Variants in PRKAR1A observed in about 807,000 individuals in gnomAD.
PRKAR1A encodes cAMP-dependent protein kinase type I-alpha regulatory subunit.
Under a neutral mutation model 52.0 loss-of-function variants are expected in PRKAR1A, and 3 were observed. That is an observed-to-expected ratio of 0.06 (90% CI 0.03 to 0.15). The LOEUF (loss-of-function observed/expected upper bound fraction) is 0.15, where lower values mean the gene tolerates loss of function less well. Ranked by LOEUF, PRKAR1A falls within the 10% of genes least tolerant of loss-of-function variation. The probability of loss-of-function intolerance (pLI) is 1.00; values close to 1 mark genes in which losing one functional copy is unlikely to be tolerated. For synonymous variants in PRKAR1A, 188 were observed against 168.4 expected (o/e 1.12, Z -0.90); for missense variants, 240 against 477.4 (o/e 0.50, Z 4.63).
the PRKAR1A span, among the ~76,000 whole-genome samples, chr17:68,458,282 T>C: frequency 4.6e-5 from 7 of 152,236 alleles, no homozygotes; most frequent in Admixed American, 1.3e-4. Context: ...AAGAGGCAAC[T>C]GAAGCTCCAA....
chr17:68,535,346 C>T (rs2086070216), downstream of PRKAR1A: 1 of 453,994 alleles, frequency 2.2e-6, no homozygotes, highest in African/African-American at 2.0e-5. Flanking sequence ...TTGTAGAGTG[C>T]AGCAAAATGT....
At chr17:68,488,278 T>C in the PRKAR1A span, among the ~76,000 whole-genome samples, 14 of 152,106 alleles carry the variant, frequency 9.2e-5, no homozygotes, top group African/African-American at 3.4e-4. Context: ...AGAGAAGAGC[T>C]GAGGTCTGAG....
chr17:68,510,159 C>CAG (rs35144524), upstream of PRKAR1A, among the ~76,000 whole-genome samples: 7,407 of 127,568 alleles, frequency 0.058, 265 homozygotes, highest in African/African-American at 0.071. Context: ...TATATGTAGA[C>CAG]AGAGAGAGAG....
At chr17:68,483,730 G>T in the PRKAR1A span, among the ~76,000 whole-genome samples, 16,664 of 151,508 alleles carry the variant, frequency 0.11, 937 homozygotes, top group Middle Eastern at 0.14. Flanking sequence ...GTGTGGTGGC[G>T]CATGCCTGTA....
the PRKAR1A span, among the ~76,000 whole-genome samples, chr17:68,481,071 T>TCC: frequency 6.6e-6 from 1 of 152,234 alleles, no homozygotes; most frequent in Admixed American, 6.5e-5. Context: ...CAGCTCACCC[T>TCC]CTTGTGGGTG....
At chr17:68,491,852 G>A in the PRKAR1A span, among the ~76,000 whole-genome samples, 1 of 152,130 alleles carries the variant, frequency 6.6e-6, no homozygotes, top group African/African-American at 2.4e-5. Flanking sequence ...TATGGAGGTG[G>A]ACAAACTGCT....
the PRKAR1A span, among the ~76,000 whole-genome samples, chr17:68,495,494 T>C: frequency 6.6e-6 from 1 of 152,200 alleles, no homozygotes; most frequent in African/African-American, 2.4e-5. Flanking sequence ...AGCTCCTCCA[T>C]CTCCCTGGTA....
the PRKAR1A span, among the ~76,000 whole-genome samples, chr17:68,499,247 T>C: frequency 6.6e-6 from 1 of 152,192 alleles, no homozygotes; most frequent in East Asian, 1.9e-4. Context: ...CTGAATTTGC[T>C]CATCTTTGGG....
At chr17:68,473,373 C>T in the PRKAR1A span, among the ~76,000 whole-genome samples, 12 of 152,236 alleles carry the variant, frequency 7.9e-5, no homozygotes, top group Admixed American at 2.6e-4. Flanking sequence ...GAGACCTCAA[C>T]GCTCCAGAAA....
upstream of PRKAR1A, among the ~76,000 whole-genome samples, chr17:68,508,672 A>G (rs890507722): frequency 6.6e-6 from 1 of 152,226 alleles, no homozygotes; most frequent in Admixed American, 6.5e-5. Flanking sequence ...AATCTAAAAT[A>G]AAAGTTGAAT....
At chr17:68,549,187 C>T (rs937714675) in intron 11 of PRKAR1A, among the ~76,000 whole-genome samples, 6 of 152,154 alleles carry the variant, frequency 3.9e-5, no homozygotes, top group Non-Finnish European at 8.8e-5. Flanking sequence ...ATATTAGCTT[C>T]CAGTTTTAAA....
intron 1 of PRKAR1A, chr17:68,512,992 C>T (rs2085312215): frequency 6.6e-6 from 1 of 152,388 alleles, no homozygotes; most frequent in African/African-American, 2.4e-5. Context: ...GTTTTCCTCT[C>T]CACTTTTGAC....
chr17:68,451,326 C>T, the PRKAR1A span, among the ~76,000 whole-genome samples: 3 of 152,104 alleles, frequency 2.0e-5, no homozygotes, highest in South Asian at 2.1e-4. Flanking sequence ...CTCAGCTACT[C>T]GGGAGGCTGA....
At chr17:68,443,601 G>T in the PRKAR1A span, among the ~76,000 whole-genome samples, 1 of 152,150 alleles carries the variant, frequency 6.6e-6, no homozygotes, top group East Asian at 1.9e-4. Flanking sequence ...CTGGGAGATG[G>T]GTATTATTCA....
the PRKAR1A span, among the ~76,000 whole-genome samples, chr17:68,423,947 T>G: frequency 6.6e-6 from 1 of 152,170 alleles, no homozygotes; most frequent in African/African-American, 2.4e-5. This position sits in a 1 kb window ranked among gnomAD's most constrained non-coding sequence, Gnocchi z 4.4. Flanking sequence ...CGGAACCTAG[T>G]GAGTGTCTGG....
chr17:68,429,523 G>T, the PRKAR1A span, among the ~76,000 whole-genome samples: 1 of 152,170 alleles, frequency 6.6e-6, no homozygotes, highest in Non-Finnish European at 1.5e-5. Flanking sequence ...TGCCCCCTGA[G>T]AATCCGTATT....
chr17:68,538,416 C>T (rs933930641), downstream of PRKAR1A, among the ~76,000 whole-genome samples: 3 of 152,196 alleles, frequency 2.0e-5, no homozygotes, highest in Non-Finnish European at 2.9e-5. Flanking sequence ...TGCTCTACTC[C>T]GAGTTTTCCA....
At chr17:68,527,528 A>G in intron 7 of PRKAR1A, 1 of 331,600 alleles carries the variant, frequency 3.0e-6, no homozygotes, top group Non-Finnish European at 5.7e-6. Context: ...TGATAGGCTC[A>G]GGTATAAACC....
chr17:68,548,767 C>T (rs1341381283), intron 11 of PRKAR1A, among the ~76,000 whole-genome samples: 2 of 128,932 alleles, frequency 1.6e-5, no homozygotes, highest in Non-Finnish European at 1.6e-5. Flanking sequence ...GAATCTCCCT[C>T]TGTCGCCTGG....
Sources: allele counts gnomAD v4.1 joint callset (sites outside exome capture counted in the v4.1 genomes callset), GRCh38; gene constraint gnomAD v4.1.1; non-coding constraint Gnocchi (gnomAD v3.1); transcripts MANE v1.5; gene names NCBI Gene and HGNC (gene_info 2026-07-23, HGNC 2026-07-21).